CD302: variants seen among roughly 807,000 people sequenced by gnomAD.
CD302 encodes CD302 antigen.
CD302 carries 23 observed loss-of-function variants against 26.5 expected under a neutral mutation model. The observed-to-expected ratio is 0.87, with a 90% confidence interval of 0.62 to 1.23. The LOEUF is 1.23. Ranked by LOEUF, CD302 falls within the 50% of genes most tolerant of loss-of-function variation. The probability of loss-of-function intolerance (pLI) is 0.00; values close to 1 mark genes in which losing one functional copy is unlikely to be tolerated. For missense variants in CD302, 290 were observed against 275.5 expected (o/e 1.05, Z -0.37); for synonymous variants, 90 against 99.4 (o/e 0.91, Z 0.56).
chr2:159,776,994 C>T (rs919902804), intron 5 of CD302, among the ~76,000 whole-genome samples: 8 of 151,694 alleles, frequency 5.3e-5, no homozygotes. Flanking sequence ...GGCGGCCCAA[C>T]GCCTGTAATC....
chr2:159,786,091 T>C (rs1560048138), intron 1 of CD302, among the ~76,000 whole-genome samples: 1 of 152,190 alleles, frequency 6.6e-6, no homozygotes, highest in African/African-American at 2.4e-5. Flanking sequence ...GACATCATCA[T>C]TGGCATCTTT....
intron 1 of CD302, among the ~76,000 whole-genome samples, chr2:159,797,775 C>T (rs1290217832): frequency 6.6e-6 from 1 of 152,202 alleles, no homozygotes. Flanking sequence ...CATTTCAGCC[C>T]GAAATTGCCC....
In CD302 at chr2:159,777,973, CAAAAG is replaced by C; in HGVS notation, c.470-14_470-10del. ...TTTCCTTTTGTATGGGACTAAAATA[CAAAAG>C]AAAATAAAAATTAGAATTTAATTAT... On this transcript the variant is annotated splice_polypyrimidine_tract_variant and intron_variant, in intron 4 of 5. Transcript: ENST00000259053. 1 of 931,962 alleles carries C rather than the reference CAAAAG, an allele frequency of 1.1e-6. No homozygotes were observed. Among genetic ancestry groups the C allele is most frequent in the Non-Finnish European group, 1.5e-6 (1 of 648,342 alleles). 57.7% of individuals were successfully genotyped at this position (931,962 alleles called of 1,614,324 possible). A position where few individuals can be genotyped will look rare whatever the true frequency, so the allele number is the denominator to read the frequency against.
In CD302 at chr2:159,783,453, A is replaced by G. The variant is rs374632188; in HGVS notation, c.84T>C (p.Thr28=). 4.4e-6 allele frequency: 7 copies of G among 1,606,848 alleles called. No homozygotes were observed. The African/African-American group carries it at 8.0e-5, about 18-fold the overall frequency. ...AACAACTGTCTTGGAACTGAATCCA[A>G]GTAGATGAAGGACAGTCTATGTAGA... The part of the protein sequence containing the change: ...AAAVADCPSS[T]WIQFQDSCYI... Residue 28 remains threonine (T), a synonymous_variant, in exon 2 of 6, where the codon ACT becomes ACC. Coordinates refer to ENST00000259053, the MANE Select transcript of CD302 (RefSeq NM_014880.5).
chr2:159,794,461 T>G (rs1458626709), intron 1 of CD302, among the ~76,000 whole-genome samples: 4 of 151,474 alleles, frequency 2.6e-5, no homozygotes, highest in Non-Finnish European at 5.9e-5. Flanking sequence ...AAATAATACC[T>G]AATTGAAATT....
intron 1 of CD302, among the ~76,000 whole-genome samples, chr2:159,784,783 T>C (rs1708621371): frequency 6.6e-6 from 1 of 152,126 alleles, no homozygotes; most frequent in Non-Finnish European, 1.5e-5. Flanking sequence ...GCTCAGAATA[T>C]GGCAGAGAGC....
chr2:159,795,396 T>C (rs566622408), intron 1 of CD302, among the ~76,000 whole-genome samples: 1 of 152,344 alleles, frequency 6.6e-6, no homozygotes, highest in South Asian at 2.1e-4. Flanking sequence ...TTCATCCTTT[T>C]ATTATAACTT....
At chr2:159,788,220 A>G (rs1708719632) in intron 1 of CD302, among the ~76,000 whole-genome samples, 1 of 152,168 alleles carries the variant, frequency 6.6e-6, no homozygotes, top group African/African-American at 2.4e-5. Flanking sequence ...AGATGTACAT[A>G]GTCATGCACC....
intron 5 of CD302, among the ~76,000 whole-genome samples, chr2:159,773,252 G>A (rs1225006387): frequency 6.6e-6 from 1 of 152,200 alleles, no homozygotes; most frequent in Admixed American, 6.5e-5. Context: ...GGCTTCAAGT[G>A]ATCTGCCCCC....
intron 1 of CD302, among the ~76,000 whole-genome samples, chr2:159,792,627 G>A (rs539915249): frequency 6.6e-6 from 1 of 152,212 alleles, no homozygotes; most frequent in African/African-American, 2.4e-5. Flanking sequence ...TAGCAATACA[G>A]AAATGGTCCC....
intron 1 of CD302, among the ~76,000 whole-genome samples, chr2:159,785,854 T>C (rs1298437274): frequency 6.6e-6 from 1 of 152,184 alleles, no homozygotes. Flanking sequence ...CACCATCCAA[T>C]GGCAGTGTAA....
intron 5 of CD302, among the ~76,000 whole-genome samples, chr2:159,774,305 C>T (rs901758392): frequency 9.9e-5 from 15 of 152,178 alleles, no homozygotes; most frequent in Admixed American, 5.9e-4. Flanking sequence ...TAAATAGCCA[C>T]TGTCCAGTCA....
chr2:159,776,986 C>T (rs368127837), intron 5 of CD302, among the ~76,000 whole-genome samples: 3 of 152,164 alleles, frequency 2.0e-5, no homozygotes, highest in East Asian at 1.9e-4. Flanking sequence ...CTGGGCATGG[C>T]GGCCCAACGC....
In CD302 at chr2:159,771,925, G is replaced by C; in HGVS notation, c.625C>G (p.Pro209Ala). ...CAGTCTTCATTATAAGGTGATTGGG[G>C]TGCGGTTGAAAAAACTGTGGTGAAA... ...SRFTTVFSTA[P>A]QSPYNEDCVL... Residue 209 changes from proline (P) to alanine (A), a missense_variant, in exon 6 of 6, where the codon CCC becomes GCC. Physicochemically the swap from Pro to Ala is conservative, Grantham distance 27. Coordinates refer to ENST00000259053, the MANE Select transcript of CD302 (RefSeq NM_014880.5). The C allele has an allele frequency of 1.2e-6, 2 of 1,613,972 alleles. No homozygotes were observed. The highest frequency in any genetic ancestry group is 1.3e-5 in the African/African-American group (1 of 75,018).
chr2:159,777,137 G>C (rs1000579684), intron 5 of CD302, among the ~76,000 whole-genome samples: 6 of 152,180 alleles, frequency 3.9e-5, no homozygotes, highest in African/African-American at 1.4e-4. Context: ...TGTAGTCCCA[G>C]CTACTTGGGA....
chr2:159,776,838 C>T (rs1350070496), intron 5 of CD302, among the ~76,000 whole-genome samples: 1 of 151,650 alleles, frequency 6.6e-6, no homozygotes. Context: ...CCCAAGTAGC[C>T]GGGATTACAG....
At chr2:159,795,716 C>G (rs1024566049) in intron 1 of CD302, among the ~76,000 whole-genome samples, 1 of 152,160 alleles carries the variant, frequency 6.6e-6, no homozygotes, top group African/African-American at 2.4e-5. Flanking sequence ...TACCCAGATA[C>G]TGTTTACTCT....
intron 2 of CD302, 52 bp downstream of exon 2, chr2:159,783,307 A>G: frequency 1.4e-6 from 2 of 1,413,690 alleles, no homozygotes; most frequent in South Asian, 1.5e-5. Context: ...AAATTAATGA[A>G]CACTGTTCAC....
intron 1 of CD302, among the ~76,000 whole-genome samples, chr2:159,790,875 AC>A (rs1407800697): frequency 1.3e-5 from 2 of 152,234 alleles, no homozygotes; most frequent in Non-Finnish European, 2.9e-5. Flanking sequence ...TTTTTGAAAC[AC>A]CATTTATATA....
Sources: allele counts gnomAD v4.1 joint callset (sites outside exome capture counted in the v4.1 genomes callset), GRCh38; gene constraint gnomAD v4.1.1; transcripts MANE v1.5; gene names NCBI Gene and HGNC (gene_info 2026-07-23, HGNC 2026-07-21).